GPC5: variants seen among roughly 807,000 people sequenced by gnomAD.
GPC5 encodes the protein glypican-5.
Under a neutral mutation model 53.9 loss-of-function variants are expected in GPC5, and 47 were observed. The observed-to-expected ratio is 0.87, with a 90% CI of 0.69 to 1.11. GPC5 has a LOEUF of 1.11. Ranked by LOEUF, GPC5 falls within the 50% of genes most tolerant of loss-of-function variation. GPC5 has a pLI of 0.00. For synonymous variants in GPC5, 286 were observed against 263.3 expected, an observed-to-expected ratio of 1.09 and a Z score of -0.84; for missense variants, 748 against 713.1, an observed-to-expected ratio of 1.05 and a Z score of -0.56.
chr13:92,426,376 A>G (rs1365216450), intron 7 of GPC5, among the ~76,000 whole-genome samples: 1 of 152,046 alleles, frequency 6.6e-6, no homozygotes, highest in African/African-American at 2.4e-5. Context: ...CACCTCTTCT[A>G]TGACAGTGAC....
chr13:92,384,939 C>G (rs1045756178), intron 7 of GPC5, among the ~76,000 whole-genome samples: 2 of 152,064 alleles, frequency 1.3e-5, no homozygotes, highest in Non-Finnish European at 2.9e-5. Context: ...TGAAAGCACT[C>G]CTAAGGAAAA....
At chr13:92,715,887 G>A (rs1163997239) in intron 7 of GPC5, among the ~76,000 whole-genome samples, 3 of 152,180 alleles carry the variant, frequency 2.0e-5, no homozygotes, top group Non-Finnish European at 4.4e-5. Flanking sequence ...TTGTGTGTGT[G>A]TGCAGAATGC....
chr13:92,239,419 C>T (rs1055585411), intron 7 of GPC5, among the ~76,000 whole-genome samples: 11 of 151,820 alleles, frequency 7.2e-5, no homozygotes, highest in East Asian at 3.9e-4. Context: ...AGTGAATACC[C>T]GCACAATTCT....
chr13:92,304,207 T>C (rs1246055382), intron 7 of GPC5, among the ~76,000 whole-genome samples: 2 of 151,844 alleles, frequency 1.3e-5, no homozygotes, highest in Non-Finnish European at 2.9e-5. Context: ...TACTTTCTTT[T>C]TTTTTTTTTC....
intron 2 of GPC5, among the ~76,000 whole-genome samples, chr13:91,651,065 A>T (rs1469506330): frequency 6.6e-6 from 1 of 152,116 alleles, no homozygotes; most frequent in African/African-American, 2.4e-5. Context: ...AGAGTGCATT[A>T]TTAGTTTGCT....
intron 7 of GPC5, among the ~76,000 whole-genome samples, chr13:92,381,105 G>A (rs1460515274): frequency 6.6e-6 from 1 of 152,072 alleles, no homozygotes; most frequent in Admixed American, 6.6e-5. Flanking sequence ...GTGAACACAG[G>A]GTTACTAGAG....
chr13:92,584,210 A>G (rs1883463840), intron 7 of GPC5, among the ~76,000 whole-genome samples: 1 of 152,196 alleles, frequency 6.6e-6, no homozygotes, highest in African/African-American at 2.4e-5. Context: ...AGAAGACAGG[A>G]AAATGTGGGA....
intron 3 of GPC5, among the ~76,000 whole-genome samples, chr13:91,702,461 C>A (rs967787451): frequency 6.6e-5 from 10 of 151,994 alleles, no homozygotes; most frequent in African/African-American, 2.4e-4. Flanking sequence ...ACTAGAGATG[C>A]ATAAATTTAT....
intron 7 of GPC5, among the ~76,000 whole-genome samples, chr13:92,424,696 T>A (rs1289991299): frequency 6.6e-6 from 1 of 152,046 alleles, no homozygotes; most frequent in Non-Finnish European, 1.5e-5. Flanking sequence ...CTCACCTTTT[T>A]TGATTACTTT....
chr13:92,139,149 G>A (rs571570052), intron 6 of GPC5, among the ~76,000 whole-genome samples: 1 of 152,200 alleles, frequency 6.6e-6, no homozygotes, highest in African/African-American at 2.4e-5. Context: ...TCAGGAATAA[G>A]GTCATTTTAA....
intron 6 of GPC5, among the ~76,000 whole-genome samples, chr13:91,920,702 A>G (rs1224513727): frequency 6.6e-6 from 1 of 152,152 alleles, no homozygotes; most frequent in Non-Finnish European, 1.5e-5. Context: ...TTGATTGCAT[A>G]AAAAAACAGG....
chr13:92,826,103 T>C (rs185025516), intron 7 of GPC5, among the ~76,000 whole-genome samples: 1 of 152,122 alleles, frequency 6.6e-6, no homozygotes, highest in Admixed American at 6.6e-5. Flanking sequence ...TCTCTTCCAC[T>C]TGAATATGGG....
chr13:92,110,866 C>T lies in GPC5; in HGVS notation c.1402-33964C>T, dbSNP rs1450475130. On this transcript the variant is annotated intron_variant, in intron 6 of 7. Coordinates refer to ENST00000377067, the MANE Select transcript of GPC5 (RefSeq NM_004466.6). Reference sequence around the variant, plus strand: ...CCATTCAGATTTAAACATTTTCTTTCGATGTCCTGATTCTAGGAAAAGGAA... The same window carrying T: ...CCATTCAGATTTAAACATTTTCTTTTGATGTCCTGATTCTAGGAAAAGGAA... Among the ~76,000 whole-genome samples the T allele has an allele frequency of 5.9e-5, 9 of 152,210 alleles. No individual in the cohort carries two copies. The South Asian group carries it at 1.2e-3, about 21-fold the overall frequency.
At chr13:92,333,641 C>T (rs968174326) in intron 7 of GPC5, among the ~76,000 whole-genome samples, 2 of 152,138 alleles carry the variant, frequency 1.3e-5, no homozygotes, top group Admixed American at 6.6e-5. Flanking sequence ...CTGTTCCTGA[C>T]ACCTTACTAC....
intron 7 of GPC5, among the ~76,000 whole-genome samples, chr13:92,508,117 C>T (rs1010434215): frequency 1.9e-4 from 29 of 152,228 alleles, no homozygotes; most frequent in South Asian, 4.2e-4. Context: ...GTGCACACCA[C>T]CATGCTGGGC....
intron 7 of GPC5, among the ~76,000 whole-genome samples, chr13:92,706,676 T>C (rs1315252792): frequency 1.3e-5 from 2 of 152,144 alleles, no homozygotes; most frequent in Non-Finnish European, 2.9e-5. Context: ...TAGCCTCCCC[T>C]GGTAATGGAA....
intron 7 of GPC5, among the ~76,000 whole-genome samples, chr13:92,819,066 T>G (rs1405336194): frequency 3.3e-5 from 5 of 152,012 alleles, no homozygotes; most frequent in Non-Finnish European, 7.4e-5. Flanking sequence ...AAGGGTATGT[T>G]TCTTACATAT....
intron 7 of GPC5, among the ~76,000 whole-genome samples, chr13:92,834,917 G>A (rs1332078012): frequency 6.6e-6 from 1 of 152,038 alleles, no homozygotes; most frequent in East Asian, 1.9e-4. Context: ...ATCTTCTATT[G>A]TTAGATTTTT....
intron 7 of GPC5, among the ~76,000 whole-genome samples, chr13:92,295,155 GGCTATGAACTTTC>G (rs869201940): frequency 5.3e-5 from 8 of 152,078 alleles, no homozygotes; most frequent in Middle Eastern, 3.4e-3. Flanking sequence ...AGGCACTTAG[GGCTATGAACTTTC>G]CTCTTAGCAC....
Sources: allele counts gnomAD v4.1 joint callset (sites outside exome capture counted in the v4.1 genomes callset), GRCh38; gene constraint gnomAD v4.1.1; transcripts MANE v1.5; gene names NCBI Gene and HGNC (gene_info 2026-07-23, HGNC 2026-07-21).